The following KLF14 variants were observed in gnomAD, a reference collection of about 807,000 sequenced individuals.
KLF14 encodes the protein Krueppel-like factor 14.
KLF14 carries 13 observed loss-of-function variants against 16.2 expected under a neutral mutation model. The ratio of observed to expected loss-of-function variants is 0.80; its 90% CI spans 0.52 to 1.28. The LOEUF (loss-of-function observed/expected upper bound fraction) is 1.28. KLF14 is among the 50% of genes most tolerant of loss of function. The pLI is 0.00. For synonymous variants in KLF14, 276 were observed against 233.7 expected, an observed-to-expected ratio of 1.18 and a Z score of -1.65; for missense variants, 571 against 493.4, an observed-to-expected ratio of 1.16 and a Z score of -1.49.
In KLF14 at chr7:130,732,896, A is replaced by T; in HGVS notation, c.*166T>A. 1.2e-6 allele frequency: 1 copy of T among 846,134 alleles called. No individual in the cohort carries two copies. The highest frequency in any genetic ancestry group is 2.7e-5 in the East Asian group (1 of 37,432). The allele number at this position is 846,134 out of a possible 1,614,324, so 52.4% of individuals were successfully genotyped here. A position where few individuals can be genotyped will look rare whatever the true frequency, so the allele number is the denominator to read the frequency against. Reference sequence around the variant, plus strand: ...GAATTCCCGCTATTTTCCGGCCCCCAGTACCTCCCCAGAGTCCACATGTCT... The same window carrying T: ...GAATTCCCGCTATTTTCCGGCCCCCTGTACCTCCCCAGAGTCCACATGTCT... On this transcript the variant is annotated 3_prime_UTR_variant, in exon 1 of 1. Coordinates refer to ENST00000583337, the MANE Select transcript of KLF14 (RefSeq NM_138693.4).
Position 130,731,657 on chromosome 7 carries a change from G to C in KLF14, c.*1405C>G, listed in dbSNP as rs906788691. 1.3e-5 allele frequency: 2 copies of C among 152,310 alleles called. No individual in the cohort carries two copies. The highest frequency in any genetic ancestry group is 2.9e-5 in the Non-Finnish European group (2 of 68,222). 9.4% of individuals were successfully genotyped at this position (152,310 alleles called of 1,614,324 possible). ...GGACTATTGCAAAATATTCAGGAGG[G>C]GGCCAGAGGGGATCTCCCAGGGCAG... is the stretch of plus-strand genomic sequence containing the variant. On this transcript the variant is annotated 3_prime_UTR_variant, in exon 1 of 1. Coordinates refer to ENST00000583337, the MANE Select transcript of KLF14 (RefSeq NM_138693.4).
rs1383467331 is a variant in KLF14 at position 130,732,424 on chromosome 7, C to G, written c.*638G>C. The G allele has an allele frequency of 6.6e-6, 1 of 152,288 alleles. No homozygotes were observed. Among genetic ancestry groups the G allele is most frequent in the Non-Finnish European group, 1.5e-5 (1 of 68,140 alleles). 9.4% of individuals were successfully genotyped at this position (152,288 alleles called of 1,614,324 possible). On this transcript the variant is annotated 3_prime_UTR_variant, in exon 1 of 1. Transcript: ENST00000583337. ...TCACACCCCAGACATCAAGAAGTAT[C>G]TCCCAGCCACACATCTACATGGAGC... is the stretch of plus-strand genomic sequence containing the variant.
chr7:130,733,824 GGGGACCTGC>G lies in KLF14; in HGVS notation c.201_209del (p.Gln68_Pro70del). 7.1e-7 allele frequency: 1 copy of G among 1,402,048 alleles called. No individual in the cohort carries two copies. Among genetic ancestry groups the G allele is most frequent in the Non-Finnish European group, 9.2e-7 (1 of 1,088,152 alleles). 86.9% of individuals were successfully genotyped at this position (1,402,048 alleles called of 1,614,324 possible). A position where few individuals can be genotyped will look rare whatever the true frequency, so the allele number is the denominator to read the frequency against. Reference sequence around the variant, plus strand: ...CGCCGCCCGCGCCGGGGCTGGGGGCGGGGACCTGCGGGAGCTGGGGGACCGACGCGGGCC... The same window carrying G: ...CGCCGCCCGCGCCGGGGCTGGGGGCGGGGAGCTGGGGGACCGACGCGGGCC... On this transcript the variant is annotated inframe_deletion, in exon 1 of 1. Coordinates refer to ENST00000583337, the MANE Select transcript of KLF14 (RefSeq NM_138693.4). This position sits in a 1 kb window ranked among gnomAD's most constrained non-coding sequence, Gnocchi z 5.2.
Position 130,733,525 on chromosome 7 carries a change from G to GCCCCAGGCC in KLF14, c.508_509insGGCCTGGGG (p.Gly169_Ala170insGlyProGly). 1 of 1,576,906 alleles carries GCCCCAGGCC rather than the reference G, an allele frequency of 6.3e-7. No homozygotes were observed. Among genetic ancestry groups the GCCCCAGGCC allele is most frequent in the Non-Finnish European group, 8.6e-7 (1 of 1,162,234 alleles). On this transcript the variant is annotated inframe_insertion, in exon 1 of 1. Transcript: ENST00000583337. This position sits in a 1 kb window ranked among gnomAD's most constrained non-coding sequence, Gnocchi z 5.2. The stretch of plus-strand genomic sequence containing the variant: ...GGCGGGGGCGGGGCCTGCCCCTAGG[G>GCCCCAGGCC]CCCCTCCAGAGAACCCACCAGAGGC...
At position 130,733,973 on chromosome 7, in the gene KLF14, C is replaced by T; in HGVS notation, c.61G>A (p.Ala21Thr). The T allele has an allele frequency of 7.3e-7, 1 of 1,376,300 alleles. No individual in the cohort carries two copies. The highest frequency in any genetic ancestry group is 9.4e-7 in the Non-Finnish European group (1 of 1,059,882). 85.3% of individuals were successfully genotyped at this position (1,376,300 alleles called of 1,614,324 possible). Residue 21 changes from alanine to threonine, a missense_variant, in exon 1 of 1, where the codon GCG (alanine) becomes ACG (threonine). Physicochemically the swap from Ala to Thr is moderately conservative, Grantham distance 58. Transcript: ENST00000583337. This position sits in a 1 kb window ranked among gnomAD's most constrained non-coding sequence, Gnocchi z 5.2. ...GGGCGGCGGTGAACCACGGCGCCCG[C>T]GGACATGGACACCAGGCACTCGGCG... Reference protein sequence around the residue: ...FAAECLVSMSAGAVVHRRPPD... With the variant: ...FAAECLVSMSTGAVVHRRPPD...
rs1375996898 is a variant in KLF14, at chr7:130,732,208, A to G, written c.*854T>C. The G allele has an allele frequency of 6.6e-6, 1 of 152,204 alleles. No homozygotes were observed. Among genetic ancestry groups the G allele is most frequent in the Non-Finnish European group, 1.5e-5 (1 of 68,058 alleles). The allele number at this position is 152,204 out of a possible 1,614,324, so 9.4% of individuals were successfully genotyped here. A position where few individuals can be genotyped will look rare whatever the true frequency, so the allele number is the denominator to read the frequency against. On this transcript the variant is annotated 3_prime_UTR_variant, in exon 1 of 1. Coordinates refer to ENST00000583337, the MANE Select transcript of KLF14 (RefSeq NM_138693.4). ...TAAGGTCGCTTGAGTTTTCTCTCTG[A>G]GTGAAGGGGGAACTAGTCTGGACCA...
chr7:130,733,490 C>A lies in KLF14; in HGVS notation c.544G>T (p.Ala182Ser). The change falls in exon 1 of 1, where the codon GCG (alanine) becomes TCG (serine). Residue 182 changes from alanine to serine, a missense_variant. Ala to Ser is a moderately conservative substitution (Grantham distance 99). Transcript: ENST00000583337. The surrounding 1 kb of genome is among the most constrained non-coding windows in gnomAD (Gnocchi z 5.2). Reference protein sequence around the residue: ...GAGPAPAADQAPRRRSVTPAA... With the variant: ...GAGPAPAADQSPRRRSVTPAA... ...GGTGTGACAGACCTCCTCCGGGGCG[C>A]CTGATCCGCGGCGGGGGCGGGGCCT... 3 of 1,608,104 alleles carry A rather than the reference C, an allele frequency of 1.9e-6. No individual in the cohort carries two copies. The highest frequency in any genetic ancestry group is 3.4e-5 in the Admixed American group (2 of 59,202).
In KLF14 at chr7:130,732,944, G is replaced by A; in HGVS notation, c.*118C>T. 7.6e-7 allele frequency: 1 copy of A among 1,310,718 alleles called. No individual in the cohort carries two copies. Among genetic ancestry groups the A allele is most frequent in the Admixed American group, 2.8e-5 (1 of 35,480 alleles). 81.2% of individuals were successfully genotyped at this position (1,310,718 alleles called of 1,614,324 possible). ...TCTGCCTGGACCCACCCTCAGAGCA[G>A]AGGAACCAGTCTGTGCCTTGGTGTA... On this transcript the variant is annotated 3_prime_UTR_variant, in exon 1 of 1. Coordinates refer to ENST00000583337, the MANE Select transcript of KLF14 (RefSeq NM_138693.4).
In KLF14 at chr7:130,733,112, C is replaced by T. The variant is rs1210075357; in HGVS notation, c.922G>A (p.Ala308Thr). The T allele has an allele frequency of 1.9e-6, 3 of 1,588,792 alleles. No homozygotes were observed. Among genetic ancestry groups the T allele is most frequent in the African/African-American group, 1.3e-5 (1 of 74,446 alleles). ...GCCGGGCCGGGACCGGAGCCGGAGGCGGAGCTTTCCACCTCGCTGGTGAGT... is the reference window on the plus strand; with the variant it reads ...GCCGGGCCGGGACCGGAGCCGGAGGTGGAGCTTTCCACCTCGCTGGTGAGT... ...PPLTSEVESS[A>T]SGSGPGPAPS... The change falls in exon 1 of 1, where the codon GCC (alanine) becomes ACC (threonine). Residue 308 changes from alanine to threonine, a missense_variant. Coordinates refer to ENST00000583337, the MANE Select transcript of KLF14 (RefSeq NM_138693.4). This position sits in a 1 kb window ranked among gnomAD's most constrained non-coding sequence, Gnocchi z 5.2.
chr7:130,732,527 C>T lies in KLF14; in HGVS notation c.*535G>A, dbSNP rs916776608. The stretch of plus-strand genomic sequence containing the variant: ...CATAAGCCTCCCATCAACCTGGGAT[C>T]CCTATTTAAAAGATGCTAAAAATAA... On this transcript the variant is annotated 3_prime_UTR_variant, in exon 1 of 1. Coordinates refer to ENST00000583337, the MANE Select transcript of KLF14 (RefSeq NM_138693.4). 6.6e-6 allele frequency: 1 copy of T among 152,542 alleles called. No individual in the cohort carries two copies. The highest frequency in any genetic ancestry group is 2.4e-5 in the African/African-American group (1 of 41,448). 9.4% of individuals were successfully genotyped at this position (152,542 alleles called of 1,614,324 possible). A position where few individuals can be genotyped will look rare whatever the true frequency, so the allele number is the denominator to read the frequency against.
In KLF14 at chr7:130,734,090, C is replaced by T. The variant is rs2116398628; in HGVS notation, c.-57G>A. ...TCCGAACGCGGCCGGCCGCGGGCGA[C>T]GGAGTTCCCGGGAGCGTCCGTCCCG... On this transcript the variant is annotated 5_prime_UTR_variant, in exon 1 of 1. Transcript: ENST00000583337. This position sits in a 1 kb window ranked among gnomAD's most constrained non-coding sequence, Gnocchi z 4.4. 6 of 1,060,534 alleles carry T rather than the reference C, an allele frequency of 5.7e-6. No homozygotes were observed. The highest frequency in any genetic ancestry group is 7.0e-6 in the Non-Finnish European group (6 of 852,324). The allele number at this position is 1,060,534 out of a possible 1,614,324, so 65.7% of individuals were successfully genotyped here. A position where few individuals can be genotyped will look rare whatever the true frequency, so the allele number is the denominator to read the frequency against.
Position 130,733,262 on chromosome 7 carries a change from G to A in KLF14, c.772C>T (p.Pro258Ser), listed in dbSNP as rs1554470829. The A allele has an allele frequency of 2.5e-6, 4 of 1,613,406 alleles. No individual in the cohort carries two copies. Among genetic ancestry groups the A allele is most frequent in the Non-Finnish European group, 3.4e-6 (4 of 1,179,732 alleles). Residue 258 changes from proline (P) to serine (S), a missense_variant, in exon 1 of 1, where the codon CCC (proline) becomes TCC (serine). Physicochemically the swap from Pro to Ser is moderately conservative, Grantham distance 74 (BLOSUM62 -1). Transcript: ENST00000583337. This position sits in a 1 kb window ranked among gnomAD's most constrained non-coding sequence, Gnocchi z 5.2. ...THTGEKRFSC[P>S]LCPKQFSRSD... The stretch of plus-strand genomic sequence containing the variant: ...CGGGAGAACTGCTTGGGGCAGAGGG[G>A]GCAGGAGAAGCGCTTCTCGCCCGTG...
rs1797214949 is a variant in KLF14 at position 130,732,880 on chromosome 7, C to A, written c.*182G>T. ...GATATACACGTTGCAAGAATTCCCG[C>A]TATTTTCCGGCCCCCAGTACCTCCC... On this transcript the variant is annotated 3_prime_UTR_variant, in exon 1 of 1. Transcript: ENST00000583337. 4.1e-6 allele frequency: 3 copies of A among 727,254 alleles called. No homozygotes were observed. Among genetic ancestry groups the A allele is most frequent in the South Asian group, 4.4e-5 (2 of 45,644 alleles). 45.1% of individuals were successfully genotyped at this position (727,254 alleles called of 1,614,324 possible). A position where few individuals can be genotyped will look rare whatever the true frequency, so the allele number is the denominator to read the frequency against.
At position 130,731,718 on chromosome 7, in the gene KLF14, CA is replaced by C. The variant is rs1469835934; in HGVS notation, c.*1343del. ...TCAGCCTCATCTCTAAAGAAAGGGTCACATATATACACATTCATACATACAC... is the reference window on the plus strand; with the variant it reads ...TCAGCCTCATCTCTAAAGAAAGGGTCCATATATACACATTCATACATACAC... On this transcript the variant is annotated 3_prime_UTR_variant, in exon 1 of 1. Coordinates refer to ENST00000583337, the MANE Select transcript of KLF14 (RefSeq NM_138693.4). 8.5e-5 allele frequency: 13 copies of C among 152,252 alleles called. No homozygotes were observed. The highest frequency in any genetic ancestry group is 2.9e-4 in the African/African-American group (12 of 41,510). The allele number at this position is 152,252 out of a possible 1,614,324, so 9.4% of individuals were successfully genotyped here. A position where few individuals can be genotyped will look rare whatever the true frequency, so the allele number is the denominator to read the frequency against.
At position 130,732,236 on chromosome 7, in the gene KLF14, CT is replaced by C; in HGVS notation, c.*825del. On this transcript the variant is annotated 3_prime_UTR_variant, in exon 1 of 1. Coordinates refer to ENST00000583337, the MANE Select transcript of KLF14 (RefSeq NM_138693.4). ...GAAGGGGGAACTAGTCTGGACCACC[CT>C]TTTCTTGCTGGTGCCTTTACGGTAG... The C allele has an allele frequency of 6.6e-6, 1 of 152,390 alleles. No individual in the cohort carries two copies. The highest frequency in any genetic ancestry group is 1.5e-5 in the Non-Finnish European group (1 of 68,064). The allele number at this position is 152,390 out of a possible 1,614,324, so 9.4% of individuals were successfully genotyped here.
Position 130,733,910 on chromosome 7 carries a change from C to A in KLF14, c.124G>T (p.Glu42Ter). ...GACTCCGGCGGCGCCGCACCCACCT[C>A]CGAGCCAGCGGCTCCACCCGCGCCC... ...PEGAGGAAGSEVGAAPPESAL... is the reference protein window; with the variant it reads ...PEGAGGAAGS Residue 42 changes from glutamate to a stop codon, truncating the protein, a stop_gained, in exon 1 of 1, where the codon GAG (glutamate) becomes TAG (stop). Coordinates refer to ENST00000583337, the MANE Select transcript of KLF14 (RefSeq NM_138693.4). LOFTEE classifies it high-confidence loss of function. The surrounding 1 kb of genome is among the most constrained non-coding windows in gnomAD (Gnocchi z 5.2). 7.4e-7 allele frequency: 1 copy of A among 1,354,998 alleles called. No individual in the cohort carries two copies. The highest frequency in any genetic ancestry group is 9.5e-7 in the Non-Finnish European group (1 of 1,053,854). The allele number at this position is 1,354,998 out of a possible 1,614,324, so 83.9% of individuals were successfully genotyped here.
chr7:130,732,908 G>T lies in KLF14; in HGVS notation c.*154C>A. 1.1e-6 allele frequency: 1 copy of T among 925,284 alleles called. No homozygotes were observed. Among genetic ancestry groups the T allele is most frequent in the Admixed American group, 2.9e-5 (1 of 34,154 alleles). The allele number at this position is 925,284 out of a possible 1,614,324, so 57.3% of individuals were successfully genotyped here. ...TTTTCCGGCCCCCAGTACCTCCCCA[G>T]AGTCCACATGTCTGCCTGGACCCAC... On this transcript the variant is annotated 3_prime_UTR_variant, in exon 1 of 1. Coordinates refer to ENST00000583337, the MANE Select transcript of KLF14 (RefSeq NM_138693.4).
In KLF14 at chr7:130,734,154, G is replaced by C. The variant is rs1411710493; in HGVS notation, c.-121C>G. ...AGAAGCAGGAGGCCGGGTGCTCGCC[G>C]CCTGCCGCCTGCTGCCGCCGCCGCC... On this transcript the variant is annotated 5_prime_UTR_variant, in exon 1 of 1. Transcript: ENST00000583337. The surrounding 1 kb of genome is among the most constrained non-coding windows in gnomAD (Gnocchi z 4.4). 2.2e-6 allele frequency: 1 copy of C among 461,726 alleles called. No individual in the cohort carries two copies. The highest frequency in any genetic ancestry group is 9.5e-5 in the East Asian group (1 of 10,526). The allele number at this position is 461,726 out of a possible 1,614,324, so 28.6% of individuals were successfully genotyped here.
chr7:130,733,843 G>A lies in KLF14; in HGVS notation c.191C>T (p.Pro64Leu), dbSNP rs1483431163. 2 of 1,361,898 alleles carry A rather than the reference G, an allele frequency of 1.5e-6. No individual in the cohort carries two copies. The highest frequency in any genetic ancestry group is 1.8e-5 in the South Asian group (1 of 55,074). 84.4% of individuals were successfully genotyped at this position (1,361,898 alleles called of 1,614,324 possible). Residue 64 changes from proline (P) to leucine (L), a missense_variant, in exon 1 of 1, where the codon CCC becomes CTC. Physicochemically the swap from Pro to Leu is moderately conservative, Grantham distance 98. Coordinates refer to ENST00000583337, the MANE Select transcript of KLF14 (RefSeq NM_138693.4). The surrounding 1 kb of genome is among the most constrained non-coding windows in gnomAD (Gnocchi z 5.2). ...GGGGGCGGGGACCTGCGGGAGCTGG[G>A]GGACCGACGCGGGCCCCGGTGGCCC... The part of the protein sequence containing the change: ...GPGPPGPASV[P>L]QLPQVPAPSP...
Sources: gnomAD v4.1 joint callset for allele counts on GRCh38, gnomAD v4.1.1 for gene constraint, Gnocchi (gnomAD v3.1) non-coding constraint, MANE v1.5 for transcripts, NCBI Gene and HGNC (gene_info 2026-07-23, HGNC 2026-07-21) for gene names.